The following UNC5C variants were observed in gnomAD, a reference collection of about 807,000 sequenced individuals.
The protein encoded by UNC5C is unc-5 netrin receptor C.
UNC5C carries 47 observed loss-of-function variants against 99.8 expected under a neutral mutation model. The ratio of observed to expected loss-of-function variants is 0.47; its 90% CI spans 0.37 to 0.60. The LOEUF (loss-of-function observed/expected upper bound fraction) is 0.60. UNC5C is among the 20% of genes least tolerant of loss of function. The pLI is 0.00. For missense variants in UNC5C, 1,062 were observed against 1,165.9 expected, an observed-to-expected ratio of 0.91 and a Z score of 1.30; for synonymous variants, 487 against 452.2, an observed-to-expected ratio of 1.08 and a Z score of -0.98.
At chr4:95,511,751 G>A (rs1008554026) in intron 1 of UNC5C, among the ~76,000 whole-genome samples, 8 of 151,978 alleles carry the variant, frequency 5.3e-5, no homozygotes, top group African/African-American at 7.3e-5. Context: ...GGGTTTTCTC[G>A]TACATGTGGG....
intron 1 of UNC5C, among the ~76,000 whole-genome samples, chr4:95,448,223 T>TGAGA (rs1355886184): frequency 9.6e-4 from 104 of 108,030 alleles, no homozygotes; most frequent in African/African-American, 3.4e-3. Context: ...TGTGTGTGTG[T>TGAGA]GTGTGAGAGA....
chr4:95,521,626 T>C (rs55973105), intron 1 of UNC5C, among the ~76,000 whole-genome samples: 7,828 of 152,160 alleles, frequency 0.051, 421 homozygotes, highest in African/African-American at 0.14. Context: ...TACCAACACA[T>C]TGGGGACTTA....
intron 7 of UNC5C, among the ~76,000 whole-genome samples, chr4:95,232,276 TTA>T (rs1738942357): frequency 6.7e-6 from 1 of 148,876 alleles, no homozygotes; most frequent in Non-Finnish European, 1.5e-5. Flanking sequence ...ATAAAACATA[TTA>T]TATATGTTTT....
chr4:95,364,468 T>C (rs946929093), intron 1 of UNC5C, among the ~76,000 whole-genome samples: 3 of 152,220 alleles, frequency 2.0e-5, no homozygotes, highest in African/African-American at 7.2e-5. Context: ...ACTGATATTT[T>C]ATCCTATTGA....
intron 1 of UNC5C, among the ~76,000 whole-genome samples, chr4:95,484,780 G>T (rs1185459611): frequency 6.6e-6 from 1 of 151,860 alleles, no homozygotes; most frequent in African/African-American, 2.4e-5. Context: ...TCAACTAAAT[G>T]GGAAGCTAGT....
Position 95,216,189 on chromosome 4 carries a change from A to G in UNC5C, c.1668T>C (p.Ala556=), listed in dbSNP as rs376091878. ...PNSGVSLLIP[A]GAIPQGRVYE... is the part of the protein sequence containing the mutation. ...AGACTCTCCCTTGGGGAATGGCCCC[A>G]GCGGGAATCAGCAAGCTGACTCCTG... Residue 556 remains alanine, a synonymous_variant, in exon 10 of 16, where the codon GCT becomes GCC. Transcript: ENST00000453304. 1.9e-6 allele frequency: 3 copies of G among 1,613,440 alleles called. No homozygotes were observed. In the African/African-American group the frequency reaches 4.0e-5, roughly 22 times the overall value.
intron 1 of UNC5C, among the ~76,000 whole-genome samples, chr4:95,420,789 A>C (rs1235945562): frequency 6.6e-6 from 1 of 152,234 alleles, no homozygotes; most frequent in Admixed American, 6.5e-5. Flanking sequence ...AGAAAAGGGA[A>C]ATATAAATAA....
intron 1 of UNC5C, among the ~76,000 whole-genome samples, chr4:95,531,786 C>T (rs1274287017): frequency 6.6e-6 from 1 of 152,218 alleles, no homozygotes; most frequent in Non-Finnish European, 1.5e-5. Context: ...ACCTCACACT[C>T]ACACCATTGT....
At chr4:95,350,015 A>T (rs1222671375) in intron 1 of UNC5C, among the ~76,000 whole-genome samples, 1 of 152,196 alleles carries the variant, frequency 6.6e-6, no homozygotes, top group Non-Finnish European at 1.5e-5. Flanking sequence ...GAAATAGAAG[A>T]TAGTAAATTT....
chr4:95,201,177 G>A (rs1476240076), intron 12 of UNC5C, among the ~76,000 whole-genome samples: 1 of 152,148 alleles, frequency 6.6e-6, no homozygotes, highest in Non-Finnish European at 1.5e-5. Context: ...GTGGTACTTT[G>A]TCAGAGCTGC....
chr4:95,276,444 T>C (rs1334081881), intron 4 of UNC5C, among the ~76,000 whole-genome samples: 1 of 152,040 alleles, frequency 6.6e-6, no homozygotes, highest in African/African-American at 2.4e-5. Flanking sequence ...CTTGACAAAG[T>C]GAACTACTTT....
In UNC5C at chr4:95,508,790, C is replaced by T. The variant is rs1287292471; in HGVS notation, c.124+39944G>A. Among the ~76,000 whole-genome samples the T allele has an allele frequency of 2.0e-5, 3 of 152,020 alleles. No homozygotes were observed. The East Asian group carries it at 5.8e-4, about 29-fold the overall frequency. ...ACCCATCTTGGAGATTAATATTACACATTAATTTTAATGGGCCTTGAGATG... is the reference window on the plus strand; with the variant it reads ...ACCCATCTTGGAGATTAATATTACATATTAATTTTAATGGGCCTTGAGATG... On this transcript the variant is annotated intron_variant, in intron 1 of 15. Coordinates refer to ENST00000453304, the MANE Select transcript of UNC5C (RefSeq NM_003728.4).
At chr4:95,170,362 A>T (rs576266271) in intron 14 of UNC5C, 30 bp from the exon 15 acceptor site, 14 of 1,606,440 alleles carry the variant, frequency 8.7e-6, no homozygotes, top group Non-Finnish European at 1.2e-5. Flanking sequence ...ACAACACAGC[A>T]TTATTTCTGA....
chr4:95,365,941 G>GT (rs56789564), intron 1 of UNC5C, among the ~76,000 whole-genome samples: 64,514 of 148,398 alleles, frequency 0.43, 15,112 homozygotes, highest in African/African-American at 0.63. Flanking sequence ...TTTCTGAGAA[G>GT]TTTTTTTTTT....
intron 4 of UNC5C, among the ~76,000 whole-genome samples, chr4:95,268,874 AC>A (rs1311560880): frequency 6.6e-6 from 1 of 152,208 alleles, no homozygotes; most frequent in Non-Finnish European, 1.5e-5. Context: ...CTGTGTGCAC[AC>A]CTAAAAGAAT....
intron 1 of UNC5C, among the ~76,000 whole-genome samples, chr4:95,378,696 T>C (rs947809515): frequency 3.9e-5 from 6 of 152,220 alleles, no homozygotes; most frequent in African/African-American, 1.4e-4. Context: ...TCTTTCATAG[T>C]AAATTTGAGA....
At chr4:95,448,208 G>C (rs1445606224) in intron 1 of UNC5C, among the ~76,000 whole-genome samples, 10 of 145,088 alleles carry the variant, frequency 6.9e-5, no homozygotes, top group African/African-American at 2.6e-4. Context: ...CTCTGTGTGT[G>C]TGTGTGTGTG....
chr4:95,250,873 C>T (rs1289762130), intron 4 of UNC5C, among the ~76,000 whole-genome samples: 1 of 152,230 alleles, frequency 6.6e-6, no homozygotes, highest in Non-Finnish European at 1.5e-5. Context: ...AAGTATCACT[C>T]ACCTGCCAAA....
intron 1 of UNC5C, among the ~76,000 whole-genome samples, chr4:95,518,217 T>C (rs940508369): frequency 6.6e-6 from 1 of 152,136 alleles, no homozygotes; most frequent in Non-Finnish European, 1.5e-5. Context: ...GGGGATAGTG[T>C]CTGAAAAAAC....
Sources: allele counts gnomAD v4.1 joint callset (sites outside exome capture counted in the v4.1 genomes callset), GRCh38; gene constraint gnomAD v4.1.1; transcripts MANE v1.5; gene names NCBI Gene and HGNC (gene_info 2026-07-23, HGNC 2026-07-21).